Variants in ANXA6 observed in about 807,000 individuals in gnomAD.
ANXA6 encodes the protein annexin A6.
ANXA6 carries 71 observed loss-of-function variants against 95.4 expected under a neutral mutation model. That is an observed-to-expected ratio of 0.74 (90% confidence interval 0.61 to 0.91). The LOEUF (loss-of-function observed/expected upper bound fraction) is 0.91. Among genes scored for constraint, ANXA6 ranks in the 40% least tolerant of loss-of-function variants. ANXA6 has a pLI of 0.00. For missense variants in ANXA6, 830 were observed against 876.4 expected, an observed-to-expected ratio of 0.95 and a Z score of 0.67; for synonymous variants, 289 against 315.9, an observed-to-expected ratio of 0.91 and a Z score of 0.90.
At chr5:151,106,217 G>A (rs1347352578) in intron 23 of ANXA6, among the ~76,000 whole-genome samples, 1 of 152,038 alleles carries the variant, frequency 6.6e-6, no homozygotes, top group East Asian at 1.9e-4. Flanking sequence ...TCAAAGCCTA[G>A]GGTTCTCTAG....
chr5:151,157,587 C>G (rs1251569944), intron 1 of ANXA6, 93 bp downstream of exon 1: 1 of 152,808 alleles, frequency 6.5e-6, no homozygotes, highest in Non-Finnish European at 1.5e-5. Context: ...GGGTACCCAT[C>G]AGCCGATGAC....
At chr5:151,116,160 C>T (rs1764991946) in intron 20 of ANXA6, among the ~76,000 whole-genome samples, 1 of 152,240 alleles carries the variant, frequency 6.6e-6, no homozygotes, top group Admixed American at 6.5e-5. Context: ...TAGCAAACCA[C>T]ACTTCTGTTA....
rs374685766 is a variant in ANXA6 at position 151,132,607 on chromosome 5, G to A, written c.641-36C>T. On this transcript the variant is annotated intron_variant, in intron 9 of 25. Transcript: ENST00000354546. ...CAGAGAGACAGGGAGGTTTGAGAGT[G>A]CCTCTGTACCCCCGAGAAGAAATGA... The A allele has an allele frequency of 7.2e-5, 113 of 1,559,132 alleles. 1 individual carries two copies. Among genetic ancestry groups the A allele is most frequent in the Non-Finnish European group, 9.4e-5 (107 of 1,141,110 alleles).
chr5:151,102,419 C>T lies in ANXA6; in HGVS notation c.1963-912G>A, dbSNP rs569846695. On this transcript the variant is annotated intron_variant, in intron 25 of 25. Transcript: ENST00000354546. ...AGCTCCATATGTCAAAAAAGTCAGA[C>T]GCAGCCAGGTGTGGTGGCTCACACC... is the stretch of plus-strand genomic sequence containing the variant. Among the ~76,000 whole-genome samples the T allele has an allele frequency of 3.3e-5, 5 of 152,202 alleles. No individual in the cohort carries two copies. In the South Asian group the frequency reaches 6.2e-4, roughly 19 times the overall value.
At chr5:151,119,128 A>G (rs947981599) in intron 18 of ANXA6, among the ~76,000 whole-genome samples, 172 bp downstream of exon 18, 9 of 152,082 alleles carry the variant, frequency 5.9e-5, no homozygotes, top group African/African-American at 2.2e-4. Flanking sequence ...CTACCAGGAC[A>G]CCTGTCTTTT....
intron 10 of ANXA6, 123 bp downstream of exon 10, chr5:151,132,353 C>T: frequency 2.6e-6 from 2 of 769,260 alleles, no homozygotes; most frequent in Non-Finnish European, 4.1e-6. Context: ...ATTCACGGCC[C>T]ACATGGTTTT....
chr5:151,118,292 C>G (rs930091461), intron 18 of ANXA6, among the ~76,000 whole-genome samples: 5 of 150,212 alleles, frequency 3.3e-5, no homozygotes, highest in African/African-American at 1.2e-4. Context: ...CAGGGTCTCA[C>G]TCTGTCACCC....
In ANXA6 at chr5:151,128,168, A is replaced by C. The variant is rs900411269; in HGVS notation, c.977+13T>G. ...GGCCATGCCCTCCAGCCAGGGGCCA[A>C]GAAGCCACTTACTCATCATCTCCCC... On this transcript the variant is annotated intron_variant, in intron 13 of 25. Coordinates refer to ENST00000354546, the MANE Select transcript of ANXA6 (RefSeq NM_001155.5). The C allele has an allele frequency of 6.2e-7, 1 of 1,610,534 alleles. No homozygotes were observed. The highest frequency in any genetic ancestry group is 8.5e-7 in the Non-Finnish European group (1 of 1,178,366).
rs750213359 is a variant in ANXA6 at position 151,124,407 on chromosome 5, C to G, written c.1057-40G>C. 4 of 1,566,416 alleles carry G rather than the reference C, an allele frequency of 2.6e-6. No individual in the cohort carries two copies. In the South Asian group the frequency reaches 4.6e-5, roughly 18 times the overall value. On this transcript the variant is annotated intron_variant, in intron 14 of 25. Coordinates refer to ENST00000354546, the MANE Select transcript of ANXA6 (RefSeq NM_001155.5). The stretch of plus-strand genomic sequence containing the variant: ...AAGAGACTCAGCAGGTGTCTGAAGG[C>G]CCCCCTGGGGACCAGGCTGAAAGAC...
rs1582008862 is a variant in ANXA6, at chr5:151,137,174, G to A, written c.409+57C>T. 12 of 1,437,822 alleles carry A rather than the reference G, an allele frequency of 8.3e-6. No individual in the cohort carries two copies. In the East Asian group the frequency reaches 2.5e-4, roughly 30 times the overall value. The allele number at this position is 1,437,822 out of a possible 1,614,324, so 89.1% of individuals were successfully genotyped here. A position where few individuals can be genotyped will look rare whatever the true frequency, so the allele number is the denominator to read the frequency against. On this transcript the variant is annotated intron_variant, in intron 6 of 25. Coordinates refer to ENST00000354546, the MANE Select transcript of ANXA6 (RefSeq NM_001155.5). ...CTAGAATCTTAGTGTCCCCACTGTT[G>A]CAATCATCCTCATTTTGTATCTGAA...
chr5:151,101,303 C>G lies in ANXA6; in HGVS notation c.*145G>C. On this transcript the variant is annotated 3_prime_UTR_variant, in exon 26 of 26. Coordinates refer to ENST00000354546, the MANE Select transcript of ANXA6 (RefSeq NM_001155.5). ...CGTGGGAGTGGGAGCGTTTCCTAAG[C>G]TCCACTGAAGATAAGAGCCCAACCC... is the stretch of plus-strand genomic sequence containing the variant. The G allele has an allele frequency of 1.4e-6, 1 of 723,250 alleles. No individual in the cohort carries two copies. The highest frequency in any genetic ancestry group is 2.4e-6 in the Non-Finnish European group (1 of 417,642). 44.8% of individuals were successfully genotyped at this position (723,250 alleles called of 1,614,324 possible).
At chr5:151,134,529 A>C in intron 7 of ANXA6, 46 bp from the exon 8 acceptor site, 1 of 1,604,190 alleles carries the variant, frequency 6.2e-7, no homozygotes, top group Non-Finnish European at 8.5e-7. Context: ...CTGCAAAGTC[A>C]GGAGGGAGGC....
Position 151,117,162 on chromosome 5 carries a change from C to G in ANXA6, c.1537G>C (p.Gly513Arg), listed in dbSNP as rs759693157. Residue 513 changes from glycine to arginine, a missense_variant, in exon 20 of 26, where the codon GGA (glycine) becomes CGA (arginine). By Grantham distance (125) the Gly-to-Arg change is moderately radical. Transcript: ENST00000354546. ...TCCCGTGCCTGGTCCAGGTTTTCTC[C>G]TCCCTCCTCACGATGCCCCTGCAGC... ...SLATGHREEG[G>R]ENLDQAREDA... is the part of the protein sequence containing the mutation. 2.9e-5 allele frequency: 46 copies of G among 1,593,782 alleles called. No individual in the cohort carries two copies. In the East Asian group the frequency reaches 9.5e-4, roughly 33 times the overall value.
chr5:151,137,125 G>C, intron 6 of ANXA6, 106 bp downstream of exon 6: 1 of 940,494 alleles, frequency 1.1e-6, no homozygotes, highest in South Asian at 1.5e-5. Context: ...TGGATCAGAG[G>C]AAAGGAGGAG....
intron 4 of ANXA6, chr5:151,139,046 C>T (rs1026352038): frequency 2.2e-5 from 13 of 594,734 alleles, no homozygotes; most frequent in Admixed American, 9.0e-5. Flanking sequence ...ACTTCCCCAC[C>T]ACTGTCTGTT....
At chr5:151,132,993 G>A in intron 9 of ANXA6, 101 bp downstream of exon 9, 1 of 875,116 alleles carries the variant, frequency 1.1e-6, no homozygotes, top group Non-Finnish European at 1.8e-6. Context: ...GAATGAAGTA[G>A]GTATCATGTT....
rs1343274443 is a variant in ANXA6, at chr5:151,144,981, T to G, written c.18+2903A>C. Among the ~76,000 whole-genome samples the G allele has an allele frequency of 6.6e-5, 10 of 152,176 alleles. 1 individual carries two copies. In the East Asian group the frequency reaches 1.9e-3, roughly 29 times the overall value. The stretch of plus-strand genomic sequence containing the variant: ...TCACACCAACTTCATGAATTCTGCA[T>G]CTCTAAGCGCCACCTGTGCAACCAC... On this transcript the variant is annotated intron_variant, in intron 2 of 25. Transcript: ENST00000354546.
chr5:151,117,246 A>G, intron 19 of ANXA6, 66 bp from the exon 20 acceptor site: 1 of 1,449,570 alleles, frequency 6.9e-7, no homozygotes, highest in South Asian at 1.3e-5. Flanking sequence ...CTGTACCACC[A>G]CACACCCTGC....
intron 1 of ANXA6, among the ~76,000 whole-genome samples, chr5:151,156,838 T>C (rs1383699520): frequency 6.6e-6 from 1 of 152,164 alleles, no homozygotes; most frequent in Non-Finnish European, 1.5e-5. Context: ...TTCAAAGCCA[T>C]TGTTTCCTTT....
Sources: gnomAD v4.1 joint callset for allele counts (sites outside exome capture counted in the v4.1 genomes callset) on GRCh38, gnomAD v4.1.1 for gene constraint, MANE v1.5 for transcripts, NCBI Gene and HGNC (gene_info 2026-07-23, HGNC 2026-07-21) for gene names.